Variants in ATXN10 observed in about 807,000 individuals in gnomAD.
ATXN10 encodes ataxin-10.
A neutral mutation model predicts 52.9 loss-of-function variants in ATXN10; 28 were observed. The observed-to-expected ratio is 0.53, with a 90% CI of 0.39 to 0.73. The LOEUF (loss-of-function observed/expected upper bound fraction) is 0.73, where lower values mean the gene tolerates loss of function less well. Ranked by LOEUF, ATXN10 falls within the 30% of genes least tolerant of loss-of-function variation. The pLI, the probability that ATXN10 is intolerant of heterozygous loss-of-function variation, is 0.00. For missense variants in ATXN10, 565 were observed against 577.0 expected (o/e 0.98, Z 0.21); for synonymous variants, 226 against 221.5 (o/e 1.02, Z -0.18).
At chr22:45,796,609 T>C (rs1927748006) in intron 9 of ATXN10, among the ~76,000 whole-genome samples, 2 of 152,146 alleles carry the variant, frequency 1.3e-5, no homozygotes, top group Admixed American at 1.3e-4. Flanking sequence ...TTCTCTTTAT[T>C]TCTCAGACCG....
chr22:45,813,066 G>A (rs1418428818), intron 10 of ATXN10, among the ~76,000 whole-genome samples: 1 of 152,190 alleles, frequency 6.6e-6, no homozygotes, highest in East Asian at 1.9e-4. Flanking sequence ...CCTGACTGCT[G>A]CCTCCTCAGG....
intron 9 of ATXN10, among the ~76,000 whole-genome samples, chr22:45,747,057 C>CT (rs1213085943): frequency 2.6e-5 from 4 of 152,188 alleles, no homozygotes; most frequent in Admixed American, 2.6e-4. Context: ...TTGCTCCTCC[C>CT]TTGATGTTTT....
At chr22:45,797,893 A>G (rs1325569975) in intron 9 of ATXN10, among the ~76,000 whole-genome samples, 1 of 152,246 alleles carries the variant, frequency 6.6e-6, no homozygotes, top group Non-Finnish European at 1.5e-5. Context: ...TACAGACATT[A>G]AAAAGATAAT....
chr22:45,697,820 C>T (rs1257253601), intron 3 of ATXN10, among the ~76,000 whole-genome samples: 4 of 151,832 alleles, frequency 2.6e-5, no homozygotes, highest in African/African-American at 9.7e-5. Context: ...TTAGTAGAGA[C>T]GGGGTTTCAC....
rs1356442951 is a variant in ATXN10 at position 45,744,581 on chromosome 22, G to A, written c.1173+4043G>A. The A allele has an allele frequency of 1.3e-5, 2 of 152,188 alleles. No homozygotes were observed. The highest frequency in any genetic ancestry group is 4.8e-5 in the African/African-American group (2 of 41,416). The allele number at this position is 152,188 out of a possible 1,614,324, so 9.4% of individuals were successfully genotyped here. On this transcript the variant is annotated intron_variant, in intron 9 of 11. Transcript: ENST00000252934. The surrounding 1 kb of genome is among the most constrained non-coding windows in gnomAD (Gnocchi z 4.9). Reference sequence around the variant, plus strand: ...GAATTGCCGTGTGCTGCATGCTCTGGAGAAGACAGTCGCTTTAGTGGTGGA... The same window carrying A: ...GAATTGCCGTGTGCTGCATGCTCTGAAGAAGACAGTCGCTTTAGTGGTGGA...
At chr22:45,748,333 G>A (rs1177960518) in intron 9 of ATXN10, among the ~76,000 whole-genome samples, 2 of 152,056 alleles carry the variant, frequency 1.3e-5, no homozygotes, top group Admixed American at 1.3e-4. Flanking sequence ...ATAGAAATTT[G>A]TAGACAACAT....
intron 9 of ATXN10, chr22:45,793,617 A>G (rs774875793): frequency 1.5e-6 from 2 of 1,331,496 alleles, no homozygotes; most frequent in South Asian, 2.8e-5. Context: ...CTATTGCTTC[A>G]GAAGTCACAG....
chr22:45,703,867 C>CT (rs1923935286), intron 5 of ATXN10: 1 of 152,308 alleles, frequency 6.6e-6, no homozygotes, highest in Non-Finnish European at 1.5e-5. Flanking sequence ...CCATGACAGC[C>CT]TCCCCTAGGA....
In ATXN10 at chr22:45,689,923, G is replaced by A; in HGVS notation, c.308+20G>A. 1 of 1,611,864 alleles carries A rather than the reference G, an allele frequency of 6.2e-7. No homozygotes were observed. Among genetic ancestry groups the A allele is most frequent in the Non-Finnish European group, 8.5e-7 (1 of 1,178,750 alleles). ...AATCAGGTAGTTACACACGTACCTT[G>A]GATTCTGTTTCTTTGTATATGTGCA... is the stretch of plus-strand genomic sequence containing the variant. On this transcript the variant is annotated intron_variant, in intron 2 of 11. Coordinates refer to ENST00000252934, the MANE Select transcript of ATXN10 (RefSeq NM_013236.4).
chr22:45,754,201 G>A lies in ATXN10; in HGVS notation c.1173+13663G>A, dbSNP rs1217375347. Among the ~76,000 whole-genome samples the A allele has an allele frequency of 6.6e-6, 1 of 152,252 alleles. No individual in the cohort carries two copies. The highest frequency in any genetic ancestry group is 1.5e-5 in the Non-Finnish European group (1 of 68,050). ...GAGGTGGGCTCCAGCAGCTTGGCAC[G>A]TGTACCTTCGTGGTGCATGGGAAAT... is the stretch of plus-strand genomic sequence containing the variant. On this transcript the variant is annotated intron_variant, in intron 9 of 11. Transcript: ENST00000252934. This position sits in a 1 kb window ranked among gnomAD's most constrained non-coding sequence, Gnocchi z 5.4.
At chr22:45,776,021 A>G (rs1427600504) in intron 9 of ATXN10, among the ~76,000 whole-genome samples, 2 of 152,164 alleles carry the variant, frequency 1.3e-5, no homozygotes, top group East Asian at 3.9e-4. Context: ...GACCCAATTC[A>G]GGGAACCCAG....
At position 45,690,447 on chromosome 22, in the gene ATXN10, T is replaced by C. The variant is rs2146738344; in HGVS notation, c.308+544T>C. ...GTTTAACATTAGGGGTTAGATTTCT[T>C]GTTTGTTTTTATCACATGTTTTGAG... On this transcript the variant is annotated intron_variant, in intron 2 of 11. Coordinates refer to ENST00000252934, the MANE Select transcript of ATXN10 (RefSeq NM_013236.4). This position sits in a 1 kb window ranked among gnomAD's most constrained non-coding sequence, Gnocchi z 4.5. 6.6e-6 allele frequency among the ~76,000 whole-genome samples: 1 copy of C among 152,290 alleles called. No homozygotes were observed. Among genetic ancestry groups the C allele is most frequent in the East Asian group, 1.9e-4 (1 of 5,188 alleles).
In ATXN10 at chr22:45,678,787, T is replaced by C. The variant is rs1469880726; in HGVS notation, c.116+6608T>C. ...ATTCATTGACTCACACCACACATGATACATGTAAGATCTGTGCTTAGTGCT... is the reference window on the plus strand; with the variant it reads ...ATTCATTGACTCACACCACACATGACACATGTAAGATCTGTGCTTAGTGCT... On this transcript the variant is annotated intron_variant, in intron 1 of 11. Transcript: ENST00000252934. The surrounding 1 kb of genome is among the most constrained non-coding windows in gnomAD (Gnocchi z 4.1). 6.6e-6 allele frequency: 1 copy of C among 152,216 alleles called. No homozygotes were observed. Among genetic ancestry groups the C allele is most frequent in the Non-Finnish European group, 1.5e-5 (1 of 68,034 alleles). The allele number at this position is 152,216 out of a possible 1,614,324, so 9.4% of individuals were successfully genotyped here.
chr22:45,773,539 A>G (rs1926847364), intron 9 of ATXN10, among the ~76,000 whole-genome samples: 1 of 151,422 alleles, frequency 6.6e-6, no homozygotes, highest in South Asian at 2.1e-4. Flanking sequence ...GCTCACTGCA[A>G]CCTCCACCTC....
Position 45,826,689 on chromosome 22 carries a change from CTGT to C in ATXN10, c.1238-16301_1238-16299del, listed in dbSNP as rs1308590204. Among the ~76,000 whole-genome samples the C allele has an allele frequency of 6.6e-6, 1 of 152,224 alleles. No individual in the cohort carries two copies. Among genetic ancestry groups the C allele is most frequent in the Non-Finnish European group, 1.5e-5 (1 of 68,036 alleles). On this transcript the variant is annotated intron_variant, in intron 10 of 11. Transcript: ENST00000252934. This position sits in a 1 kb window ranked among gnomAD's most constrained non-coding sequence, Gnocchi z 5.0. ...ACTAAGAATCGTTTGTCTGTCCAAA[CTGT>C]CCTTCAAACATGAGGGATAAATTAA...
At chr22:45,758,578 C>A (rs1432166563) in intron 9 of ATXN10, among the ~76,000 whole-genome samples, 1 of 152,174 alleles carries the variant, frequency 6.6e-6, no homozygotes. Context: ...ATGGAAGTTC[C>A]TGGTTAGTGC....
chr22:45,789,302 G>C lies in ATXN10; in HGVS notation c.1174-17657G>C, dbSNP rs73889615. On this transcript the variant is annotated intron_variant, in intron 9 of 11. Coordinates refer to ENST00000252934, the MANE Select transcript of ATXN10 (RefSeq NM_013236.4). This position sits in a 1 kb window ranked among gnomAD's most constrained non-coding sequence, Gnocchi z 4.0. ...CCCCTGGCTAAGTTTCATTCAGTAC[G>C]TATCTGTTGGTTATATTTGGACCCT... Among the ~76,000 whole-genome samples the C allele has an allele frequency of 9.0e-3, 1,373 of 152,264 alleles. 32 individuals are homozygous for C. Among genetic ancestry groups the C allele is most frequent in the African/African-American group, 0.032 (1,318 of 41,526 alleles).
At chr22:45,703,869 C>A (rs2146756141) in intron 5 of ATXN10, 1 of 152,404 alleles carries the variant, frequency 6.6e-6, no homozygotes, top group South Asian at 2.1e-4. Context: ...ATGACAGCCT[C>A]CCCTAGGAGA....
Position 45,689,726 on chromosome 22 carries a change from G to A in ATXN10, c.131G>A (p.Arg44Lys). 6.2e-7 allele frequency: 1 copy of A among 1,614,040 alleles called. No homozygotes were observed. The highest frequency in any genetic ancestry group is 2.2e-5 in the East Asian group (1 of 44,884). The stretch of plus-strand genomic sequence containing the variant: ...TCCTTTTTCAGAGAAACAGCACCCA[G>A]GACTATCTTCCAAAGAGTTCTGGAT... The part of the protein sequence containing the change: ...KEQRNRETAP[R>K]TIFQRVLDIL... The change falls in exon 2 of 12, where the codon AGG becomes AAG. Residue 44 changes from arginine (R) to lysine (K), a missense_variant. Physicochemically the swap from Arg to Lys is conservative, Grantham distance 26. Coordinates refer to ENST00000252934, the MANE Select transcript of ATXN10 (RefSeq NM_013236.4).
Sources: allele counts gnomAD v4.1 joint callset (sites outside exome capture counted in the v4.1 genomes callset), GRCh38; gene constraint gnomAD v4.1.1; non-coding constraint Gnocchi (gnomAD v3.1); transcripts MANE v1.5; gene names NCBI Gene and HGNC (gene_info 2026-07-23, HGNC 2026-07-21).